The following VPS53 variants were observed in gnomAD, a reference collection of about 807,000 sequenced individuals.
The protein encoded by VPS53 is VPS53 subunit of GARP complex.
In VPS53, 70 loss-of-function variants were observed where a neutral mutation model predicts 107.0. That is an observed-to-expected ratio of 0.65 (90% confidence interval 0.54 to 0.80). The LOEUF is 0.80. Among genes scored for constraint, VPS53 ranks in the 30% least tolerant of loss-of-function variants. The probability of loss-of-function intolerance (pLI) is 0.00; values close to 1 mark genes in which losing one functional copy is unlikely to be tolerated. For missense variants in VPS53, 917 were observed against 1,049.4 expected (o/e 0.87, Z 1.74); for synonymous variants, 409 against 393.3 (o/e 1.04, Z -0.47).
intron 7 of VPS53, among the ~76,000 whole-genome samples, chr17:636,076 G>A (rs1226525223): frequency 6.6e-6 from 1 of 152,158 alleles, no homozygotes; most frequent in Non-Finnish European, 1.5e-5. Flanking sequence ...ATTTCATTGA[G>A]CAGTGGTTTG....
At chr17:530,173 C>T (rs1358237863) in intron 19 of VPS53, among the ~76,000 whole-genome samples, 11 of 128,616 alleles carry the variant, frequency 8.6e-5, no homozygotes, top group African/African-American at 3.2e-4. Flanking sequence ...GAGACGGAGT[C>T]TCTATCACTC....
chr17:709,114 T>C (rs1013198845), intron 2 of VPS53, among the ~76,000 whole-genome samples: 1 of 152,168 alleles, frequency 6.6e-6, no homozygotes, highest in African/African-American at 2.4e-5. Flanking sequence ...GAACTTCCCG[T>C]TAAGCCCCTT....
chr17:614,422 A>G (rs751874344), intron 11 of VPS53, among the ~76,000 whole-genome samples: 1 of 152,218 alleles, frequency 6.6e-6, no homozygotes, highest in Non-Finnish European at 1.5e-5. Context: ...TATTCTCGCC[A>G]TAATTTCCAA....
At chr17:704,376 C>A (rs1025938164) in intron 2 of VPS53, among the ~76,000 whole-genome samples, 2 of 152,152 alleles carry the variant, frequency 1.3e-5, no homozygotes, top group African/African-American at 4.8e-5. Context: ...CATATTCTCA[C>A]CCTCCTCCTC....
intron 4 of VPS53, among the ~76,000 whole-genome samples, chr17:678,347 G>A (rs985011377): frequency 3.3e-5 from 5 of 151,890 alleles, no homozygotes; most frequent in South Asian, 2.1e-4. Flanking sequence ...GCTTGAACCC[G>A]GGAGGTGGAG....
At chr17:677,523 T>C (rs1972216785) in intron 4 of VPS53, among the ~76,000 whole-genome samples, 1 of 152,094 alleles carries the variant, frequency 6.6e-6, no homozygotes, top group African/African-American at 2.4e-5. Flanking sequence ...GATGAATAAA[T>C]TTCAGAAATA....
intron 13 of VPS53, among the ~76,000 whole-genome samples, chr17:574,820 G>A (rs1005970480): frequency 3.3e-5 from 5 of 152,102 alleles, no homozygotes; most frequent in African/African-American, 4.8e-5. Flanking sequence ...CTTTTAAAAC[G>A]AAAAATTTGG....
chr17:591,271 TTTTC>T (rs1967631420), intron 12 of VPS53, among the ~76,000 whole-genome samples: 1 of 152,246 alleles, frequency 6.6e-6, no homozygotes, highest in South Asian at 2.1e-4. Context: ...TTCTCTCTTT[TTTTC>T]TTTATTAGTC....
intron 13 of VPS53, among the ~76,000 whole-genome samples, chr17:584,244 G>A (rs190203450): frequency 6.6e-5 from 10 of 152,308 alleles, no homozygotes; most frequent in Admixed American, 2.6e-4. Context: ...CAGTCATCTC[G>A]TTACAATCAT....
chr17:610,416 T>C (rs1968806266), intron 11 of VPS53, among the ~76,000 whole-genome samples: 1 of 152,104 alleles, frequency 6.6e-6, no homozygotes, highest in Non-Finnish European at 1.5e-5. Context: ...CAGCTGAAAC[T>C]ATAAAACTCT....
At chr17:646,274 TCGGC>T (rs1970701308) in intron 7 of VPS53, among the ~76,000 whole-genome samples, 3 of 78,538 alleles carry the variant, frequency 3.8e-5, no homozygotes, top group African/African-American at 8.9e-5. Flanking sequence ...GGACTGGAGA[TCGGC>T]TCCCACACAC....
chr17:517,006 A>T lies in VPS53; in HGVS notation c.*2122T>A. ...GGTGCAGGAGTCCACTGGCTTTCCC[A>T]GCTCTCCTGGGTTGAGGACAGACGG... On this transcript the variant is annotated 3_prime_UTR_variant, in exon 22 of 22. Transcript: ENST00000437048. 1 of 157,744 alleles carries T rather than the reference A, an allele frequency of 6.3e-6. No homozygotes were observed. Among genetic ancestry groups the T allele is most frequent in the Non-Finnish European group, 1.4e-5 (1 of 71,844 alleles). The allele number at this position is 157,744 out of a possible 1,614,324, so 9.8% of individuals were successfully genotyped here.
chr17:607,554 C>T (rs1435908550), intron 11 of VPS53, among the ~76,000 whole-genome samples: 1 of 152,182 alleles, frequency 6.6e-6, no homozygotes, highest in Non-Finnish European at 1.5e-5. Context: ...ACACAGATCA[C>T]GCTTCTCAGG....
intron 1 of VPS53, 89 bp downstream of exon 1, chr17:714,534 C>A: frequency 7.5e-7 from 1 of 1,339,140 alleles, no homozygotes; most frequent in South Asian, 1.3e-5. Context: ...CCCGGCCCTC[C>A]GTCCACCCGC....
chr17:582,100 G>A (rs982715371), intron 13 of VPS53, among the ~76,000 whole-genome samples: 6 of 140,848 alleles, frequency 4.3e-5, no homozygotes, highest in Admixed American at 7.2e-5. Context: ...AACCTAATGC[G>A]TTCCCAGAAA....
At chr17:574,007 G>A (rs539011516) in intron 13 of VPS53, among the ~76,000 whole-genome samples, 1 of 152,184 alleles carries the variant, frequency 6.6e-6, no homozygotes, top group African/African-American at 2.4e-5. Context: ...TTTTTGACAA[G>A]AGCGTCGATG....
At chr17:639,835 T>A (rs1480767733) in intron 7 of VPS53, among the ~76,000 whole-genome samples, 1 of 152,234 alleles carries the variant, frequency 6.6e-6, no homozygotes, top group Non-Finnish European at 1.5e-5. Flanking sequence ...CCAGTTAGGC[T>A]ACTCGGGGGT....
In VPS53 at chr17:524,303, A is replaced by G. The variant is rs552223137; in HGVS notation, c.2086-2565T>C. On this transcript the variant is annotated intron_variant, in intron 19 of 21. Transcript: ENST00000437048. This position sits in a 1 kb window ranked among gnomAD's most constrained non-coding sequence, Gnocchi z 4.5. ...AAATACATAAAAAATAAAAAATAAA[A>G]AAGAAGAAGAAGAAGAAAATACAGA... 1.8e-4 allele frequency among the ~76,000 whole-genome samples: 27 copies of G among 152,216 alleles called. No individual in the cohort carries two copies. The highest frequency in any genetic ancestry group is 4.6e-4 in the African/African-American group (19 of 41,554).
chr17:558,981 G>C (rs919378331), intron 15 of VPS53, among the ~76,000 whole-genome samples: 1 of 152,046 alleles, frequency 6.6e-6, no homozygotes, highest in Non-Finnish European at 1.5e-5. Flanking sequence ...GGAAGACAGA[G>C]CAAGACTCTG....
Sources: allele counts gnomAD v4.1 joint callset (sites outside exome capture counted in the v4.1 genomes callset), GRCh38; gene constraint gnomAD v4.1.1; non-coding constraint Gnocchi (gnomAD v3.1); transcripts MANE v1.5; gene names NCBI Gene and HGNC (gene_info 2026-07-23, HGNC 2026-07-21).